Variants in MECOM observed in about 807,000 individuals in gnomAD.
MECOM encodes the protein MDS1 and EVI1 complex locus.
MECOM carries 13 observed loss-of-function variants against 116.3 expected under a neutral mutation model. The observed-to-expected ratio is 0.11, with a 90% CI of 0.07 to 0.18. The LOEUF (loss-of-function observed/expected upper bound fraction) is 0.18. MECOM is among the 10% of genes least tolerant of loss of function. The probability of loss-of-function intolerance (pLI) is 1.00; values close to 1 mark genes in which losing one functional copy is unlikely to be tolerated. For synonymous variants in MECOM, 528 were observed against 535.2 expected (o/e 0.99, Z 0.19); for missense variants, 1,299 against 1,509.0 (o/e 0.86, Z 2.31).
intron 2 of MECOM, among the ~76,000 whole-genome samples, chr3:169,176,655 G>C (rs1413175215): frequency 6.6e-5 from 10 of 152,064 alleles, no homozygotes; most frequent in Non-Finnish European, 2.9e-5. Flanking sequence ...CACAGCAAAA[G>C]AAACTATCAT....
chr3:169,406,106 T>C (rs2108425940), intron 1 of MECOM, among the ~76,000 whole-genome samples: 1 of 152,340 alleles, frequency 6.6e-6, no homozygotes, highest in Admixed American at 6.5e-5. Context: ...CACTTTGATT[T>C]TTTCCCCAAT....
intron 2 of MECOM, among the ~76,000 whole-genome samples, chr3:169,246,591 C>T (rs1193369331): frequency 4.1e-5 from 6 of 147,970 alleles, no homozygotes; most frequent in Non-Finnish European, 5.9e-5. Context: ...TGCGGTGGCA[C>T]GATCTCAGCT....
At chr3:169,371,000 T>C (rs1299960614) in intron 2 of MECOM, among the ~76,000 whole-genome samples, 2 of 152,014 alleles carry the variant, frequency 1.3e-5, no homozygotes, top group African/African-American at 2.4e-5. Flanking sequence ...GATCCAGCAA[T>C]CACACTTCTG....
chr3:169,370,015 G>A (rs374156633), intron 2 of MECOM, among the ~76,000 whole-genome samples: 46 of 151,884 alleles, frequency 3.0e-4, no homozygotes, highest in African/African-American at 3.9e-4. Context: ...TATGCAACAC[G>A]TCAAGTGCAC....
chr3:169,212,873 T>C (rs1196240642), intron 2 of MECOM, among the ~76,000 whole-genome samples: 1 of 151,294 alleles, frequency 6.6e-6, no homozygotes, highest in East Asian at 2.0e-4. Context: ...AATGCTCTCC[T>C]GCCTGGTTTT....
intron 1 of MECOM, among the ~76,000 whole-genome samples, chr3:169,555,204 C>T (rs1030537593): frequency 6.6e-6 from 1 of 152,214 alleles, no homozygotes; most frequent in African/African-American, 2.4e-5. Flanking sequence ...TTCCTTCCTT[C>T]ATGTCTTCAT....
chr3:169,348,303 T>A (rs1167081040), intron 2 of MECOM, among the ~76,000 whole-genome samples: 1 of 151,990 alleles, frequency 6.6e-6, no homozygotes, highest in African/African-American at 2.4e-5. Context: ...GGGTGTGGAG[T>A]GTGAAAAACA....
chr3:169,206,533 C>T (rs551205574), intron 2 of MECOM, among the ~76,000 whole-genome samples: 3 of 151,954 alleles, frequency 2.0e-5, no homozygotes, highest in Non-Finnish European at 4.4e-5. Context: ...GGGCAGATTG[C>T]CTGAAGTCAG....
At chr3:169,566,374 A>G (rs1395597737) in intron 1 of MECOM, among the ~76,000 whole-genome samples, 4 of 152,154 alleles carry the variant, frequency 2.6e-5, no homozygotes, top group Non-Finnish European at 5.9e-5. Flanking sequence ...CTTGAAAATG[A>G]CACCCCACTC....
At chr3:169,300,525 T>C (rs931536549) in intron 2 of MECOM, among the ~76,000 whole-genome samples, 1 of 152,198 alleles carries the variant, frequency 6.6e-6, no homozygotes, top group South Asian at 2.1e-4. Flanking sequence ...TTTAGACTCA[T>C]AGTCTTAATT....
At chr3:169,362,312 A>G (rs1728436221) in intron 2 of MECOM, among the ~76,000 whole-genome samples, 1 of 151,946 alleles carries the variant, frequency 6.6e-6, no homozygotes, top group Non-Finnish European at 1.5e-5. Context: ...CAGGTGTAAG[A>G]GACAGAATTC....
intron 2 of MECOM, among the ~76,000 whole-genome samples, chr3:169,309,392 A>C (rs1720034088): frequency 6.6e-6 from 1 of 152,238 alleles, no homozygotes; most frequent in African/African-American, 2.4e-5. Flanking sequence ...TATATGAATA[A>C]TATTCACAAC....
At chr3:169,533,355 C>G (rs6791448) in intron 1 of MECOM, among the ~76,000 whole-genome samples, 2,178 of 152,214 alleles carry the variant, frequency 0.014, 55 homozygotes, top group African/African-American at 0.05. Context: ...GGCATTGCTA[C>G]GATTTATGGT....
intron 2 of MECOM, among the ~76,000 whole-genome samples, chr3:169,343,134 A>G (rs915950429): frequency 1.3e-5 from 2 of 152,054 alleles, no homozygotes; most frequent in Non-Finnish European, 2.9e-5. Context: ...TTTCTCAGAG[A>G]CCCATTTCTT....
chr3:169,504,352 C>T (rs1408761324), intron 1 of MECOM, among the ~76,000 whole-genome samples: 1 of 151,758 alleles, frequency 6.6e-6, no homozygotes, highest in African/African-American at 2.4e-5. Flanking sequence ...AAGACTTATA[C>T]CAGTAAAGTG....
chr3:169,159,475 C>G (rs1448830111), intron 2 of MECOM, among the ~76,000 whole-genome samples: 1 of 152,088 alleles, frequency 6.6e-6, no homozygotes, highest in African/African-American at 2.4e-5. Context: ...AGGAGAATTG[C>G]TTGAACCCGG....
intron 2 of MECOM, among the ~76,000 whole-genome samples, chr3:169,340,721 T>C (rs992603978): frequency 1.1e-4 from 16 of 152,190 alleles, no homozygotes; most frequent in African/African-American, 9.6e-5. Flanking sequence ...TGTTACTAAA[T>C]TGTAAAGAGG....
chr3:169,574,652 A>C (rs550619789), intron 1 of MECOM, among the ~76,000 whole-genome samples: 1 of 152,314 alleles, frequency 6.6e-6, no homozygotes, highest in Admixed American at 6.5e-5. Flanking sequence ...TATTGAACAG[A>C]GGCAGTACCT....
At chr3:169,655,470 T>A (rs750675569) in intron 1 of MECOM, among the ~76,000 whole-genome samples, 10 of 152,068 alleles carry the variant, frequency 6.6e-5, no homozygotes, top group African/African-American at 9.7e-5. Context: ...AACTAGAGAG[T>A]ATGCAAAACT....
Sources: gnomAD v4.1 joint callset for allele counts (sites outside exome capture counted in the v4.1 genomes callset) on GRCh38, gnomAD v4.1.1 for gene constraint, MANE v1.5 for transcripts, NCBI Gene and HGNC (gene_info 2026-07-23, HGNC 2026-07-21) for gene names.